TINAGL1: variants seen among roughly 807,000 people sequenced by gnomAD.
TINAGL1 encodes the protein tubulointerstitial nephritis antigen like 1.
A neutral mutation model predicts 62.0 loss-of-function variants in TINAGL1; 34 were observed. The ratio of observed to expected loss-of-function variants is 0.55; its 90% CI spans 0.42 to 0.73. The LOEUF is 0.73. TINAGL1 is among the 30% of genes least tolerant of loss of function. The pLI, the probability that TINAGL1 is intolerant of heterozygous loss-of-function variation, is 0.00. For synonymous variants in TINAGL1, 221 were observed against 249.7 expected (o/e 0.88, Z 1.08); for missense variants, 516 against 653.2 (o/e 0.79, Z 2.29).
chr1:31,585,510 G>C lies in TINAGL1; in HGVS notation c.1093+25G>C. On this transcript the variant is annotated intron_variant, in intron 9 of 11. Coordinates refer to ENST00000271064, the MANE Select transcript of TINAGL1 (RefSeq NM_022164.3). This position sits in a 1 kb window ranked among gnomAD's most constrained non-coding sequence, Gnocchi z 4.3. ...GGTAAACCCCCTTATCCAGCACCCT[G>C]GTTCCAGAAGCTTGTGCCTGCTTGA... 1 of 1,613,604 alleles carries C rather than the reference G, an allele frequency of 6.2e-7. No homozygotes were observed. Among genetic ancestry groups the C allele is most frequent in the South Asian group, 1.1e-5 (1 of 91,004 alleles).
intron 10 of TINAGL1, 126 bp downstream of exon 10, chr1:31,586,002 A>G: frequency 3.1e-6 from 4 of 1,280,776 alleles, no homozygotes; most frequent in Non-Finnish European, 4.1e-6. Flanking sequence ...CAATAGGGAG[A>G]AAACTGAGAC....
rs1367471464 is a variant in TINAGL1, at chr1:31,586,770, C to A, written c.1263+15C>A. 2 of 1,551,706 alleles carry A rather than the reference C, an allele frequency of 1.3e-6. No homozygotes were observed. Among genetic ancestry groups the A allele is most frequent in the Non-Finnish European group, 8.7e-7 (1 of 1,147,014 alleles). On this transcript the variant is annotated intron_variant, in intron 11 of 11. Transcript: ENST00000271064. Reference sequence around the variant, plus strand: ...TCAAATACTGGGTGAGGCCGCTGACCCTTTCCCCGCCCCCTCTTCCCCTCG... The same window carrying A: ...TCAAATACTGGGTGAGGCCGCTGACACTTTCCCCGCCCCCTCTTCCCCTCG...
Position 31,583,300 on chromosome 1 carries a change from C to A in TINAGL1, c.467+59C>A, listed in dbSNP as rs992483950. On this transcript the variant is annotated intron_variant, in intron 4 of 11. Transcript: ENST00000271064. This position sits in a 1 kb window ranked among gnomAD's most constrained non-coding sequence, Gnocchi z 4.4. The stretch of plus-strand genomic sequence containing the variant: ...ACATGCATACTCATGCATGTATACA[C>A]GCATGCTGTGCTGTGGGGCACGTCC... The A allele has an allele frequency of 1.3e-6, 2 of 1,534,946 alleles. No homozygotes were observed. Among genetic ancestry groups the A allele is most frequent in the African/African-American group, 1.4e-5 (1 of 73,398 alleles).
In TINAGL1 at chr1:31,577,782, A is replaced by G; in HGVS notation, c.310+324A>G. On this transcript the variant is annotated intron_variant, in intron 2 of 11. Transcript: ENST00000271064. The surrounding 1 kb of genome is among the most constrained non-coding windows in gnomAD (Gnocchi z 5.4). The stretch of plus-strand genomic sequence containing the variant: ...CATATGGGTTGGTGAGGGTCATCTT[A>G]GCCATTTTTCTGCCTTTGCTGAGGA... The G allele has an allele frequency of 3.5e-6, 1 of 286,978 alleles. No individual in the cohort carries two copies. The allele number at this position is 286,978 out of a possible 1,614,324, so 17.8% of individuals were successfully genotyped here.
At position 31,585,809 on chromosome 1, in the gene TINAGL1, A is replaced by G. The variant is rs1209439640; in HGVS notation, c.1150A>G (p.Thr384Ala). The stretch of plus-strand genomic sequence containing the variant: ...ATACAAGGGAGGCATCTACAGCCAC[A>G]CGCCAGTGAGCCTTGGGAGGCCAGA... ...FLYKGGIYSH[T>A]PVSLGRPERY... The change falls in exon 10 of 12, where the codon ACG becomes GCG. Residue 384 changes from threonine to alanine, a missense_variant. Physicochemically the swap from Thr to Ala is moderately conservative, Grantham distance 58 (BLOSUM62 0). Transcript: ENST00000271064. The surrounding 1 kb of genome is among the most constrained non-coding windows in gnomAD (Gnocchi z 4.3). 1.2e-6 allele frequency: 2 copies of G among 1,613,054 alleles called. No individual in the cohort carries two copies. The highest frequency in any genetic ancestry group is 2.2e-5 in the East Asian group (1 of 44,864).
Position 31,585,053 on chromosome 1 carries a change from G to A in TINAGL1, c.857+17G>A, listed in dbSNP as rs763955032. ...TCGCCGAGGGTATGCAGCAACAGGGGATGTGGGCAGAGAAGAGGGCAAGGA... is the reference window on the plus strand; with the variant it reads ...TCGCCGAGGGTATGCAGCAACAGGGAATGTGGGCAGAGAAGAGGGCAAGGA... On this transcript the variant is annotated intron_variant, in intron 7 of 11. Transcript: ENST00000271064. The surrounding 1 kb of genome is among the most constrained non-coding windows in gnomAD (Gnocchi z 4.3). 5 of 1,585,790 alleles carry A rather than the reference G, an allele frequency of 3.2e-6. No homozygotes were observed. The highest frequency in any genetic ancestry group is 1.7e-4 in the Middle Eastern group (1 of 5,972).
chr1:31,583,337 C>A lies in TINAGL1; in HGVS notation c.467+96C>A, dbSNP rs1397382912. ...TGTGGGGCACGTCCAGCAGGCCACT[C>A]CTACACCCAGATTTGACTGTGTGTG... On this transcript the variant is annotated intron_variant, in intron 4 of 11. Coordinates refer to ENST00000271064, the MANE Select transcript of TINAGL1 (RefSeq NM_022164.3). This position sits in a 1 kb window ranked among gnomAD's most constrained non-coding sequence, Gnocchi z 4.4. 2 of 1,489,256 alleles carry A rather than the reference C, an allele frequency of 1.3e-6. No individual in the cohort carries two copies. Among genetic ancestry groups the A allele is most frequent in the African/African-American group, 1.4e-5 (1 of 72,324 alleles). 92.3% of individuals were successfully genotyped at this position (1,489,256 alleles called of 1,614,324 possible).
rs750243827 is a variant in TINAGL1, at chr1:31,580,294, T to A, written c.374+1027T>A. On this transcript the variant is annotated intron_variant, in intron 3 of 11. Coordinates refer to ENST00000271064, the MANE Select transcript of TINAGL1 (RefSeq NM_022164.3). ...GCTGTCCCTGGCCCCTTAGGCCCCC[T>A]CTGGAATGCTGGGACCTGCTACCAC... 20 of 1,239,286 alleles carry A rather than the reference T, an allele frequency of 1.6e-5. No homozygotes were observed. The South Asian group carries it at 2.7e-4, about 17-fold the overall frequency. 76.8% of individuals were successfully genotyped at this position (1,239,286 alleles called of 1,614,324 possible). A position where few individuals can be genotyped will look rare whatever the true frequency, so the allele number is the denominator to read the frequency against.
Position 31,585,491 on chromosome 1 carries a change from C to T in TINAGL1, c.1093+6C>T. On this transcript the variant is annotated splice_donor_region_variant and intron_variant, in intron 9 of 11. Transcript: ENST00000271064. This position sits in a 1 kb window ranked among gnomAD's most constrained non-coding sequence, Gnocchi z 4.3. ...GGAGAATGGCCCTGTCCAAGGTAAA[C>T]CCCCTTATCCAGCACCCTGGTTCCA... 2 of 1,614,086 alleles carry T rather than the reference C, an allele frequency of 1.2e-6. No individual in the cohort carries two copies. The highest frequency in any genetic ancestry group is 1.7e-4 in the Middle Eastern group (1 of 6,058).
rs1639041104 is a variant in TINAGL1 at position 31,577,893 on chromosome 1, T to A, written c.310+435T>A. 5.6e-6 allele frequency: 1 copy of A among 178,050 alleles called. No homozygotes were observed. The highest frequency in any genetic ancestry group is 5.5e-5 in the Admixed American group (1 of 18,322). 11.0% of individuals were successfully genotyped at this position (178,050 alleles called of 1,614,324 possible). A position where few individuals can be genotyped will look rare whatever the true frequency, so the allele number is the denominator to read the frequency against. ...CTGCTTTCAGCCTCACCATCATCCT[T>A]TTCCATGCACTTGCCCCTGTCCAAT... On this transcript the variant is annotated intron_variant, in intron 2 of 11. Coordinates refer to ENST00000271064, the MANE Select transcript of TINAGL1 (RefSeq NM_022164.3). The surrounding 1 kb of genome is among the most constrained non-coding windows in gnomAD (Gnocchi z 5.4).
chr1:31,586,612 A>C (rs1570222048), intron 10 of TINAGL1, 98 bp from the exon 11 acceptor site: 1 of 1,454,738 alleles, frequency 6.9e-7, no homozygotes, highest in East Asian at 2.5e-5. Flanking sequence ...CCAACCCTCC[A>C]AAGGCAACTG....
Position 31,577,445 on chromosome 1 carries a change from TC to T in TINAGL1, c.302del (p.Pro101ArgfsTer46), listed in dbSNP as rs1557553575. 6.2e-7 allele frequency: 1 copy of T among 1,610,162 alleles called. No homozygotes were observed. The highest frequency in any genetic ancestry group is 8.5e-7 in the Non-Finnish European group (1 of 1,177,762). On this transcript the variant is annotated frameshift_variant, in exon 2 of 12. Coordinates refer to ENST00000271064, the MANE Select transcript of TINAGL1 (RefSeq NM_022164.3). LOFTEE classifies it high-confidence loss of function. This position sits in a 1 kb window ranked among gnomAD's most constrained non-coding sequence, Gnocchi z 5.4. ...TCTGCCTCGGCGTGCCACCCCCTTT[TC>T]CCCCGATCCAAGGTGGGCACTAAGA... is the stretch of plus-strand genomic sequence containing the variant. ...DFCLGVPPPF[P>X]PIQGCMHGGR...
chr1:31,586,372 G>A, intron 10 of TINAGL1: 1 of 487,836 alleles, frequency 2.0e-6, no homozygotes, highest in Non-Finnish European at 3.7e-6. Flanking sequence ...ACCCCTCCCT[G>A]GATCCCCAAG....
rs747045861 is a variant in TINAGL1, at chr1:31,585,491, C to A, written c.1093+6C>A. On this transcript the variant is annotated splice_donor_region_variant and intron_variant, in intron 9 of 11. Coordinates refer to ENST00000271064, the MANE Select transcript of TINAGL1 (RefSeq NM_022164.3). This position sits in a 1 kb window ranked among gnomAD's most constrained non-coding sequence, Gnocchi z 4.3. ...GGAGAATGGCCCTGTCCAAGGTAAA[C>A]CCCCTTATCCAGCACCCTGGTTCCA... The A allele has an allele frequency of 8.1e-6, 13 of 1,613,968 alleles. No individual in the cohort carries two copies. Among genetic ancestry groups the A allele is most frequent in the African/African-American group, 6.7e-5 (5 of 74,940 alleles).
intron 3 of TINAGL1, chr1:31,580,844 C>T (rs563094328): frequency 6.1e-6 from 7 of 1,140,134 alleles, no homozygotes; most frequent in Non-Finnish European, 6.7e-6. Flanking sequence ...GGAGATGGAG[C>T]GGGAATGCAA....
chr1:31,581,165 C>T (rs1384471424), intron 3 of TINAGL1, among the ~76,000 whole-genome samples: 2 of 152,100 alleles, frequency 1.3e-5, no homozygotes, highest in Non-Finnish European at 1.5e-5. Flanking sequence ...GGCCACGTTC[C>T]GTGGCTCACA....
intron 3 of TINAGL1, among the ~76,000 whole-genome samples, chr1:31,581,835 C>T (rs1639252753): frequency 6.6e-6 from 1 of 152,222 alleles, no homozygotes; most frequent in Admixed American, 6.5e-5. Flanking sequence ...TAAGATCACA[C>T]AGCCAGTGGG....
At chr1:31,579,397 C>A in intron 3 of TINAGL1, 130 bp downstream of exon 3, 1 of 761,548 alleles carries the variant, frequency 1.3e-6, no homozygotes, top group Admixed American at 2.3e-5. Flanking sequence ...GTTTCCTCAT[C>A]TGCAATAGAG....
Position 31,577,218 on chromosome 1 carries a change from C to A in TINAGL1, c.70C>A (p.Gln24Lys). 1 of 1,601,658 alleles carries A rather than the reference C, an allele frequency of 6.2e-7. No homozygotes were observed. Among genetic ancestry groups the A allele is most frequent in the Non-Finnish European group, 8.5e-7 (1 of 1,175,324 alleles). Residue 24 changes from glutamine to lysine, a missense_variant, in exon 2 of 12, where the codon CAG becomes AAG. By Grantham distance (53) the Gln-to-Lys change is moderately conservative. Coordinates refer to ENST00000271064, the MANE Select transcript of TINAGL1 (RefSeq NM_022164.3). The surrounding 1 kb of genome is among the most constrained non-coding windows in gnomAD (Gnocchi z 5.4). ...TGGCCACTTGGCTCTGGGTGCCCAG[C>A]AGGGTCGTGGGCGCCGGGAGCTAGC... ...LAGHLALGAQ[Q>K]GRGRRELAPG...
Sources: gnomAD v4.1 joint callset for allele counts (sites outside exome capture counted in the v4.1 genomes callset) on GRCh38, gnomAD v4.1.1 for gene constraint, Gnocchi (gnomAD v3.1) non-coding constraint, MANE v1.5 for transcripts, NCBI Gene and HGNC (gene_info 2026-07-23, HGNC 2026-07-21) for gene names.